CLCN4: variants seen among roughly 807,000 people sequenced by gnomAD.
The protein encoded by CLCN4 is H(+)/Cl(-) exchange transporter 4.
In CLCN4, 1 loss-of-function variant was observed where a neutral mutation model predicts 41.7. That is an observed-to-expected ratio of 0.02 (90% CI 0.01 to 0.11). The LOEUF is 0.11. CLCN4 is among the 10% of genes least tolerant of loss of function. The probability of loss-of-function intolerance (pLI) is 1.00; values close to 1 mark genes in which losing one functional copy is unlikely to be tolerated. For synonymous variants in CLCN4, 277 were observed against 285.8 expected (o/e 0.97, Z 0.31); for missense variants, 287 against 661.0 (o/e 0.43, Z 6.20).
rs775980378 is a variant in CLCN4 at position 10,166,457 on chromosome X, C to T, written c.-12+7906C>T. 1.3e-4 allele frequency among the ~76,000 whole-genome samples: 14 copies of T among 111,508 alleles called. No individual in the cohort carries two copies. In the East Asian group the frequency reaches 1.4e-3, roughly 11 times the overall value. ...GGCCTTTAATTAAGCTATTCTCACA[C>T]GGTGTAGGAGAAACGTGGCCCCCAG... is the stretch of plus-strand genomic sequence containing the variant. On this transcript the variant is annotated intron_variant, in intron 2 of 12. Coordinates refer to ENST00000380833, the MANE Select transcript of CLCN4 (RefSeq NM_001830.4).
At chrX:10,164,204 G>A (rs1310896006) in intron 2 of CLCN4, among the ~76,000 whole-genome samples, 1 of 112,306 alleles carries the variant, frequency 8.9e-6, no homozygotes, top group African/African-American at 3.2e-5. Flanking sequence ...TGGAGAGAGA[G>A]CCACTTGAGC....
chrX:10,195,143 A>G (rs771615922), intron 5 of CLCN4, 45 bp downstream of exon 5: 3 of 1,123,391 alleles, frequency 2.7e-6, no homozygotes, highest in Non-Finnish European at 3.7e-6. Flanking sequence ...CTGCCGTTCC[A>G]TGCGTGCTTG....
In CLCN4 at chrX:10,158,511, C is replaced by T. The variant is rs1388121366; in HGVS notation, c.-52C>T. ...GCTGAAGAAAGGATGCTCGAGGATG[C>T]TGTCCAGGTGGGCGGCCGCGGGCGC... On this transcript the variant is annotated 5_prime_UTR_variant, in exon 2 of 13. Coordinates refer to ENST00000380833, the MANE Select transcript of CLCN4 (RefSeq NM_001830.4). 1 of 296,829 alleles carries T rather than the reference C, an allele frequency of 3.4e-6. No individual in the cohort carries two copies. Among genetic ancestry groups the T allele is most frequent in the Non-Finnish European group, 5.9e-6 (1 of 169,746 alleles). The allele number at this position is 296,829 out of a possible 1,213,427, so 24.5% of individuals were successfully genotyped here.
rs879224481 is a variant in CLCN4 at position 10,217,803 on chromosome X, C to T, written c.1976-2858C>T. On this transcript the variant is annotated intron_variant, in intron 11 of 12. Transcript: ENST00000380833. The stretch of plus-strand genomic sequence containing the variant: ...TGTTTCCCAGGCTGGAGTGCAGTGG[C>T]GACATCTCGGCTCACCCCAGCCTCC... Among the ~76,000 whole-genome samples, 6 of 105,767 alleles carry T rather than the reference C, an allele frequency of 5.7e-5. 1 individual carries two copies. Among genetic ancestry groups the T allele is most frequent in the Admixed American group, 3.1e-4 (3 of 9,646 alleles). 91.8% of individuals were successfully genotyped at this position (105,767 alleles called of 115,157 possible). A position where few individuals can be genotyped will look rare whatever the true frequency, so the allele number is the denominator to read the frequency against.
intron 11 of CLCN4, among the ~76,000 whole-genome samples, chrX:10,216,897 G>GTGTATATATATATATATATATATA (rs1411470927): frequency 2.4e-4 from 5 of 20,816 alleles, no homozygotes; most frequent in Non-Finnish European, 3.7e-4. Context: ...GTGTGTGTGT[G>GTGTATATATATATATATATATATA]TATATATATA....
chrX:10,231,619 C>T (rs1165633348), intron 12 of CLCN4, among the ~76,000 whole-genome samples: 1 of 111,823 alleles, frequency 8.9e-6, no homozygotes, highest in East Asian at 2.8e-4. Context: ...AGTAGTCTCA[C>T]ATTCTGGGTC....
rs140001819 is a variant in CLCN4 at position 10,174,105 on chromosome X, C to T, written c.-11-10917C>T. Among the ~76,000 whole-genome samples the T allele has an allele frequency of 7.2e-3, 811 of 112,317 alleles. 3 individuals are homozygous for T. Among genetic ancestry groups the T allele is most frequent in the African/African-American group, 0.025 (759 of 30,904 alleles). On this transcript the variant is annotated intron_variant, in intron 2 of 12. Transcript: ENST00000380833. The stretch of plus-strand genomic sequence containing the variant: ...TGGGGGCAGAATGGTCTCTAGGGGA[C>T]ACTTTGGTGTCTGCCTCTGGCCTCA...
intron 2 of CLCN4, among the ~76,000 whole-genome samples, chrX:10,177,077 TTA>T (rs1175490207): frequency 1.8e-5 from 2 of 112,830 alleles, no homozygotes; most frequent in Non-Finnish European, 3.7e-5. Context: ...TTCGTACAGC[TTA>T]TGAGCTAAGA....
At chrX:10,196,867 A>C (rs1296899620) in intron 5 of CLCN4, among the ~76,000 whole-genome samples, 1 of 112,519 alleles carries the variant, frequency 8.9e-6, no homozygotes, top group Non-Finnish European at 1.9e-5. Context: ...TTTGATTCGA[A>C]GAATTACCTT....
intron 4 of CLCN4, among the ~76,000 whole-genome samples, chrX:10,190,770 A>G (rs1216723600): frequency 1.8e-5 from 2 of 112,340 alleles, no homozygotes; most frequent in Non-Finnish European, 1.9e-5. Context: ...ATTACAACAT[A>G]CAATCTTATG....
intron 2 of CLCN4, among the ~76,000 whole-genome samples, chrX:10,173,655 C>T (rs1278460831): frequency 8.9e-6 from 1 of 112,123 alleles, no homozygotes. Context: ...TGGCCATTCT[C>T]CAAAGTGCCT....
chrX:10,187,807 A>G (rs948598277), intron 4 of CLCN4, among the ~76,000 whole-genome samples, 193 bp downstream of exon 4: 4 of 112,962 alleles, frequency 3.5e-5, no homozygotes, highest in Non-Finnish European at 7.5e-5. Flanking sequence ...CATCATCAAT[A>G]AGGCATGCCC....
chrX:10,161,867 C>T (rs909873174), intron 2 of CLCN4, among the ~76,000 whole-genome samples: 4 of 110,752 alleles, frequency 3.6e-5, no homozygotes, highest in East Asian at 2.8e-4. Context: ...ACTGAAGCTG[C>T]CATGTCGTGA....
At chrX:10,215,851 A>G (rs1490944564) in intron 11 of CLCN4, among the ~76,000 whole-genome samples, 3 of 112,152 alleles carry the variant, frequency 2.7e-5, no homozygotes, top group East Asian at 5.6e-4. Context: ...ATGTCTGAAG[A>G]GGCACCACAC....
chrX:10,196,711 C>G (rs764870269), intron 5 of CLCN4, among the ~76,000 whole-genome samples: 2 of 111,405 alleles, frequency 1.8e-5, no homozygotes, highest in Admixed American at 1.9e-4. Flanking sequence ...TCCATTACTT[C>G]CAAAAAGAAA....
In CLCN4 at chrX:10,199,608, C is replaced by T. The variant is rs759259577; in HGVS notation, c.555+1547C>T. 1.6e-4 allele frequency among the ~76,000 whole-genome samples: 18 copies of T among 111,888 alleles called. No individual in the cohort carries two copies. In the South Asian group the frequency reaches 1.8e-3, roughly 11 times the overall value. On this transcript the variant is annotated intron_variant, in intron 6 of 12. Coordinates refer to ENST00000380833, the MANE Select transcript of CLCN4 (RefSeq NM_001830.4). Reference sequence around the variant, plus strand: ...TTGTGTTTTCCTACATGACTGGGTGCAATTTTCTGCATTTACCTGGTATTT... The same window carrying T: ...TTGTGTTTTCCTACATGACTGGGTGTAATTTTCTGCATTTACCTGGTATTT...
intron 4 of CLCN4, among the ~76,000 whole-genome samples, chrX:10,188,553 C>T (rs1923873357): frequency 1.8e-5 from 2 of 112,397 alleles, no homozygotes; most frequent in South Asian, 3.7e-4. Flanking sequence ...CGCACCAGCC[C>T]TTCCGGGAAA....
intron 4 of CLCN4, among the ~76,000 whole-genome samples, chrX:10,193,006 G>A (rs1405920895): frequency 8.9e-6 from 1 of 111,954 alleles, no homozygotes; most frequent in Non-Finnish European, 1.9e-5. Context: ...GCTTTAGTTC[G>A]GTGTCGGATG....
At chrX:10,200,005 C>A (rs1210040296) in intron 6 of CLCN4, among the ~76,000 whole-genome samples, 1 of 111,899 alleles carries the variant, frequency 8.9e-6, no homozygotes, top group African/African-American at 3.3e-5. Context: ...TCCGCCTCGG[C>A]CTCCTAAAGT....
Sources: gnomAD v4.1 joint callset for allele counts (sites outside exome capture counted in the v4.1 genomes callset) on GRCh38, gnomAD v4.1.1 for gene constraint, MANE v1.5 for transcripts, NCBI Gene and HGNC (gene_info 2026-07-23, HGNC 2026-07-21) for gene names.